ADCY9: variants seen among roughly 807,000 people sequenced by gnomAD.
The protein encoded by ADCY9 is adenylate cyclase type 9.
Under a neutral mutation model 101.5 loss-of-function variants are expected in ADCY9, and 50 were observed. The observed-to-expected ratio is 0.49, with a 90% CI of 0.39 to 0.62. ADCY9 has a LOEUF of 0.62. Ranked by LOEUF, ADCY9 falls within the 20% of genes least tolerant of loss-of-function variation. The pLI is 0.00. For synonymous variants in ADCY9, 905 were observed against 769.3 expected (o/e 1.18, Z -2.92); for missense variants, 1,662 against 1,800.4 (o/e 0.92, Z 1.39).
intron 2 of ADCY9, among the ~76,000 whole-genome samples, chr16:4,037,857 T>C (rs1281024346): frequency 1.3e-5 from 2 of 152,228 alleles, no homozygotes; most frequent in African/African-American, 4.8e-5. Context: ...GTGAGGCCTA[T>C]CAGCTGGTAC....
intron 2 of ADCY9, among the ~76,000 whole-genome samples, chr16:4,016,046 A>C (rs1195724408): frequency 6.6e-6 from 1 of 152,142 alleles, no homozygotes; most frequent in African/African-American, 2.4e-5. Flanking sequence ...GTGAGGATTA[A>C]ATGAGTTGAT....
In ADCY9 at chr16:4,114,952, A is replaced by C. The variant is rs1203860717; in HGVS notation, c.491T>G (p.Phe164Cys). Residue 164 changes from phenylalanine (F) to cysteine (C), a missense_variant, in exon 2 of 11, where the codon TTC (phenylalanine) becomes TGC (cysteine). By Grantham distance (205) the Phe-to-Cys change is radical. Coordinates refer to ENST00000294016, the MANE Select transcript of ADCY9 (RefSeq NM_001116.4). The surrounding 1 kb of genome is among the most constrained non-coding windows in gnomAD (Gnocchi z 4.3). ...LVCVGFFLFT[F>C]TKLYARHYAW... ...GTAATGCCGGGCGTACAGCTTGGTG[A>C]AGGTAAACAGAAAGAAGCCCACACA... 6.2e-7 allele frequency: 1 copy of C among 1,614,014 alleles called. No individual in the cohort carries two copies. The highest frequency in any genetic ancestry group is 8.5e-7 in the Non-Finnish European group (1 of 1,180,036).
At chr16:4,050,829 A>G (rs1306665768) in intron 2 of ADCY9, among the ~76,000 whole-genome samples, 1 of 152,012 alleles carries the variant, frequency 6.6e-6, no homozygotes, top group African/African-American at 2.4e-5. Context: ...TCTAAAAACC[A>G]CTTTCTACTA....
chr16:3,996,820 A>G (rs2056290614), intron 3 of ADCY9, among the ~76,000 whole-genome samples: 1 of 151,778 alleles, frequency 6.6e-6, no homozygotes, highest in Admixed American at 6.6e-5. Context: ...TGTTTCAGGT[A>G]TTTTTCTTGC....
chr16:4,081,164 C>A (rs964708594), intron 2 of ADCY9, among the ~76,000 whole-genome samples: 1 of 152,170 alleles, frequency 6.6e-6, no homozygotes, highest in Non-Finnish European at 1.5e-5. Context: ...AACCATCTCC[C>A]GCAGCGGGGC....
intron 2 of ADCY9, among the ~76,000 whole-genome samples, chr16:4,105,595 C>T (rs1356232261): frequency 6.6e-6 from 1 of 150,670 alleles, no homozygotes; most frequent in Non-Finnish European, 1.5e-5. Flanking sequence ...CACGAGAATT[C>T]CTTGCACCCA....
intron 5 of ADCY9, among the ~76,000 whole-genome samples, chr16:3,989,876 A>G (rs1332819211): frequency 6.6e-6 from 1 of 152,182 alleles, no homozygotes; most frequent in Admixed American, 6.5e-5. Flanking sequence ...GCCACCGTAA[A>G]AGCTAACAGG....
intron 10 of ADCY9, among the ~76,000 whole-genome samples, chr16:3,970,629 A>G (rs1477701359): frequency 6.6e-6 from 1 of 152,206 alleles, no homozygotes; most frequent in Non-Finnish European, 1.5e-5. Flanking sequence ...TGCCCGGCCA[A>G]AAGCTCAGTC....
rs1319241888 is a variant in ADCY9, at chr16:3,992,901, C to A, written c.1989+505G>T. Reference sequence around the variant, plus strand: ...AGAGCAGATGGAGGACGAGAGCCCGCGCCCCAGGTGAGTCGCCTGCATGAG... The same window carrying A: ...AGAGCAGATGGAGGACGAGAGCCCGAGCCCCAGGTGAGTCGCCTGCATGAG... On this transcript the variant is annotated intron_variant, in intron 4 of 10. Coordinates refer to ENST00000294016, the MANE Select transcript of ADCY9 (RefSeq NM_001116.4). This position sits in a 1 kb window ranked among gnomAD's most constrained non-coding sequence, Gnocchi z 4.2. Among the ~76,000 whole-genome samples the A allele has an allele frequency of 6.6e-6, 1 of 152,088 alleles. No homozygotes were observed. The highest frequency in any genetic ancestry group is 1.5e-5 in the Non-Finnish European group (1 of 68,014).
chr16:4,018,557 C>G (rs1052102645), intron 2 of ADCY9, among the ~76,000 whole-genome samples: 1 of 152,126 alleles, frequency 6.6e-6, no homozygotes, highest in Non-Finnish European at 1.5e-5. Flanking sequence ...GCAGTCATGC[C>G]GCTGCCTTCA....
rs1232616945 is a variant in ADCY9, at chr16:4,029,629, C to G, written c.1694-22071G>C. On this transcript the variant is annotated intron_variant, in intron 2 of 10. Coordinates refer to ENST00000294016, the MANE Select transcript of ADCY9 (RefSeq NM_001116.4). ...GGGTGAGGTGGCACGTGCCTGTAAT[C>G]CCAGCTACTGGGGAGACTGAGGCAA... Among the ~76,000 whole-genome samples, 4 of 152,282 alleles carry G rather than the reference C, an allele frequency of 2.6e-5. No individual in the cohort carries two copies. The South Asian group carries it at 6.2e-4, about 24-fold the overall frequency.
chr16:4,010,880 C>A (rs1257180454), intron 2 of ADCY9, among the ~76,000 whole-genome samples: 2 of 152,188 alleles, frequency 1.3e-5, no homozygotes, highest in African/African-American at 4.8e-5. Flanking sequence ...CATAAAGGGG[C>A]TTGCTGTAAG....
intron 3 of ADCY9, among the ~76,000 whole-genome samples, chr16:4,007,029 G>A (rs1013724066): frequency 6.6e-6 from 1 of 152,116 alleles, no homozygotes; most frequent in South Asian, 2.1e-4. Context: ...TCCACCCAAG[G>A]TGCCAAGGAA....
chr16:4,052,958 T>C (rs981443073), intron 2 of ADCY9, among the ~76,000 whole-genome samples: 18 of 152,180 alleles, frequency 1.2e-4, no homozygotes, highest in Non-Finnish European at 2.1e-4. Context: ...AACAGATTCT[T>C]TGTCAGGGAC....
rs1470588091 is a variant in ADCY9 at position 3,991,335 on chromosome 16, T to A, written c.2207+811A>T. Among the ~76,000 whole-genome samples, 4 of 152,142 alleles carry A rather than the reference T, an allele frequency of 2.6e-5. No homozygotes were observed. In the East Asian group the frequency reaches 7.7e-4, roughly 29 times the overall value. On this transcript the variant is annotated intron_variant, in intron 5 of 10. Transcript: ENST00000294016. ...ATGAGGAACAGACGGGCACTGCGTG[T>A]CCCTGGAGAGGACACCCTGAGGAGG...
chr16:4,080,548 C>T (rs950927248), intron 2 of ADCY9, among the ~76,000 whole-genome samples: 1 of 152,094 alleles, frequency 6.6e-6, no homozygotes, highest in African/African-American at 2.4e-5. Context: ...CATGACCCAC[C>T]GTTCCCAGCC....
chr16:4,010,929 CA>C (rs1403560311), intron 2 of ADCY9, among the ~76,000 whole-genome samples: 1 of 152,304 alleles, frequency 6.6e-6, no homozygotes, highest in East Asian at 1.9e-4. Context: ...TTCTCCCTTC[CA>C]GAAGATGCAG....
At chr16:4,020,793 T>A (rs1202692690) in intron 2 of ADCY9, among the ~76,000 whole-genome samples, 1 of 145,616 alleles carries the variant, frequency 6.9e-6, no homozygotes, top group African/African-American at 2.6e-5. Context: ...GCCACTGCAC[T>A]CCAGCCTGGG....
At chr16:4,092,097 T>C (rs970414326) in intron 2 of ADCY9, among the ~76,000 whole-genome samples, 1 of 152,168 alleles carries the variant, frequency 6.6e-6, no homozygotes, top group African/African-American at 2.4e-5. Flanking sequence ...GGTGAAACCC[T>C]GTCTCTACTA....
Sources: allele counts gnomAD v4.1 joint callset (sites outside exome capture counted in the v4.1 genomes callset), GRCh38; gene constraint gnomAD v4.1.1; non-coding constraint Gnocchi (gnomAD v3.1); transcripts MANE v1.5; gene names NCBI Gene and HGNC (gene_info 2026-07-23, HGNC 2026-07-21).